The following PTPRF variants were observed in gnomAD, a reference collection of about 807,000 sequenced individuals.
PTPRF encodes receptor-type tyrosine-protein phosphatase F.
PTPRF carries 59 observed loss-of-function variants against 201.8 expected under a neutral mutation model. The observed-to-expected ratio is 0.29, with a 90% CI of 0.24 to 0.36. The LOEUF (loss-of-function observed/expected upper bound fraction) is 0.36, where lower values mean the gene tolerates loss of function less well. Among genes scored for constraint, PTPRF ranks in the 10% least tolerant of loss-of-function variants. The probability of loss-of-function intolerance (pLI) is 1.00; values close to 1 mark genes in which losing one functional copy is unlikely to be tolerated. For missense variants in PTPRF, 2,132 were observed against 2,690.5 expected (o/e 0.79, Z 4.59); for synonymous variants, 1,088 against 1,089.7 (o/e 1.00, Z 0.03).
At chr1:43,620,756 C>G (rs1005251631) in intron 31 of PTPRF, 82 bp from the exon 32 acceptor site, 1 of 1,544,780 alleles carries the variant, frequency 6.5e-7, no homozygotes, top group African/African-American at 1.4e-5. Context: ...ATGCCTGTAT[C>G]ATGGTACTAC....
intron 20 of PTPRF, among the ~76,000 whole-genome samples, 167 bp downstream of exon 20, chr1:43,606,625 G>A (rs1011119347): frequency 6.6e-6 from 1 of 152,126 alleles, no homozygotes; most frequent in Non-Finnish European, 1.5e-5. Flanking sequence ...CCTAAGACGC[G>A]GCCCTGGGAC....
At chr1:43,557,133 C>T (rs1297839781) in intron 5 of PTPRF, among the ~76,000 whole-genome samples, 1 of 152,210 alleles carries the variant, frequency 6.6e-6, no homozygotes, top group African/African-American at 2.4e-5. Flanking sequence ...CCAGAGGCCC[C>T]AGAGGGCTTC....
chr1:43,613,662 A>C lies in PTPRF; in HGVS notation c.4018A>C (p.Asn1340His). The stretch of plus-strand genomic sequence containing the variant: ...CATCCCCATCACCGACCTGGCGGAC[A>C]ACATCGAGCGCCTCAAAGCCAACGA... The part of the protein sequence containing the change: ...PPIPITDLAD[N>H]IERLKANDGL... Residue 1340 changes from asparagine to histidine, a missense_variant, in exon 23 of 34, where the codon AAC becomes CAC. Around this residue, in one of 6 missense-constraint regions of PTPRF, gnomAD observed 818 missense variants for 915.3 expected, o/e 0.89. Transcript: ENST00000359947. 1 of 1,614,182 alleles carries C rather than the reference A, an allele frequency of 6.2e-7. No homozygotes were observed. The highest frequency in any genetic ancestry group is 2.2e-5 in the East Asian group (1 of 44,884).
chr1:43,585,896 T>C (rs1649008379), intron 7 of PTPRF, among the ~76,000 whole-genome samples: 1 of 152,174 alleles, frequency 6.6e-6, no homozygotes, highest in African/African-American at 2.4e-5. Flanking sequence ...GGGTCAAGCC[T>C]GCAATCATGA....
chr1:43,567,943 C>A (rs1646296144), intron 5 of PTPRF, among the ~76,000 whole-genome samples: 1 of 152,182 alleles, frequency 6.6e-6, no homozygotes, highest in Non-Finnish European at 1.5e-5. Context: ...TCCCCTTGCC[C>A]CACATTGGGT....
At chr1:43,587,993 C>T (rs1222227178) in intron 7 of PTPRF, among the ~76,000 whole-genome samples, 1 of 152,188 alleles carries the variant, frequency 6.6e-6, no homozygotes, top group Admixed American at 6.5e-5. Context: ...TTTGTTGGCG[C>T]AGGAAGCCGT....
At chr1:43,529,667 T>C (rs1313514830), upstream of PTPRF, among the ~76,000 whole-genome samples, 1 of 151,886 alleles carries the variant, frequency 6.6e-6, no homozygotes, top group African/African-American at 2.4e-5. Flanking sequence ...AAAGAGCTGG[T>C]GTGGCTTTGG....
At chr1:43,556,991 T>G (rs1645421286) in intron 5 of PTPRF, among the ~76,000 whole-genome samples, 1 of 152,238 alleles carries the variant, frequency 6.6e-6, no homozygotes, top group Non-Finnish European at 1.5e-5. Context: ...GGCTCCTCCC[T>G]GCCACTTCTG....
intron 6 of PTPRF, among the ~76,000 whole-genome samples, chr1:43,576,925 C>A (rs1483311026): frequency 6.6e-6 from 1 of 152,216 alleles, no homozygotes; most frequent in Non-Finnish European, 1.5e-5. Flanking sequence ...CTGGCTCTTG[C>A]TTCACCTGGG....
intron 3 of PTPRF, among the ~76,000 whole-genome samples, chr1:43,550,908 C>T (rs1644988543): frequency 6.6e-6 from 1 of 152,168 alleles, no homozygotes; most frequent in Admixed American, 6.5e-5. Context: ...GAAGCAGCAG[C>T]TTATGCAAAG....
chr1:43,615,787 C>T lies in PTPRF; in HGVS notation c.4072-1658C>T, dbSNP rs369532047. On this transcript the variant is annotated intron_variant, in intron 23 of 33. Transcript: ENST00000359947. ...TTCACCGTGTTAGCCAGGATGGTCT[C>T]GATCTCCTGACCTCGTGATCCGCCC... Among the ~76,000 whole-genome samples, 254 of 152,048 alleles carry T rather than the reference C, an allele frequency of 1.7e-3. 1 individual carries two copies. The highest frequency in any genetic ancestry group is 2.8e-3 in the Non-Finnish European group (190 of 67,982).
rs1316619976 is a variant in PTPRF, at chr1:43,537,438, C to T, written c.-125-760C>T. Among the ~76,000 whole-genome samples, 1 of 152,220 alleles carries T rather than the reference C, an allele frequency of 6.6e-6. No homozygotes were observed. Among genetic ancestry groups the T allele is most frequent in the Non-Finnish European group, 1.5e-5 (1 of 68,048 alleles). On this transcript the variant is annotated intron_variant, in intron 1 of 33. Coordinates refer to ENST00000359947, the MANE Select transcript of PTPRF (RefSeq NM_002840.5). The surrounding 1 kb of genome is among the most constrained non-coding windows in gnomAD (Gnocchi z 4.8). ...GCTGTTTTCTTTGAACTCATTCATGCGTTCATCCACTCATTCAGTGTATGC... is the reference window on the plus strand; with the variant it reads ...GCTGTTTTCTTTGAACTCATTCATGTGTTCATCCACTCATTCAGTGTATGC...
At chr1:43,583,438 A>C (rs1268816865) in intron 7 of PTPRF, among the ~76,000 whole-genome samples, 4 of 152,042 alleles carry the variant, frequency 2.6e-5, no homozygotes, top group Non-Finnish European at 4.4e-5. Flanking sequence ...GGTGCTCAGG[A>C]ATGGTTGTGG....
chr1:43,592,501 C>T lies in PTPRF; in HGVS notation c.1713C>T (p.Asp571=), dbSNP rs1651073918. 6 of 1,612,936 alleles carry T rather than the reference C, an allele frequency of 3.7e-6. No individual in the cohort carries two copies. The highest frequency in any genetic ancestry group is 4.2e-6 in the Non-Finnish European group (5 of 1,179,680). Reference sequence around the variant, plus strand: ...CAACCTCCTCCTACACACTAGAGGACCTGAAGCCTGACACACTCTACCGCT... The same window carrying T: ...CAACCTCCTCCTACACACTAGAGGATCTGAAGCCTGACACACTCTACCGCT... ...FDPTSSYTLE[D]LKPDTLYRFQ... is the part of the protein sequence containing the mutation. Residue 571 remains aspartate (D), a synonymous_variant, in exon 11 of 34, where the codon GAC becomes GAT. Coordinates refer to ENST00000359947, the MANE Select transcript of PTPRF (RefSeq NM_002840.5).
chr1:43,594,125 C>A (rs1195169777), intron 11 of PTPRF, among the ~76,000 whole-genome samples: 2 of 152,140 alleles, frequency 1.3e-5, no homozygotes, highest in African/African-American at 4.8e-5. Context: ...TGGGGCCTGG[C>A]CCCCAGCTGC....
chr1:43,589,045 G>A, intron 8 of PTPRF, 45 bp downstream of exon 8: 1 of 1,489,008 alleles, frequency 6.7e-7, no homozygotes, highest in Non-Finnish European at 9.0e-7. Context: ...CTGTCATCTG[G>A]GAGGTCCTGG....
At chr1:43,525,622 T>C (rs1041418354), upstream of PTPRF, among the ~76,000 whole-genome samples, 4 of 151,768 alleles carry the variant, frequency 2.6e-5, no homozygotes, top group Admixed American at 2.6e-4. Flanking sequence ...CTGGCCAATA[T>C]GGTGAAACCC....
At chr1:43,524,667 A>G (rs547919812), upstream of PTPRF, among the ~76,000 whole-genome samples, 1 of 152,186 alleles carries the variant, frequency 6.6e-6, no homozygotes, top group Admixed American at 6.5e-5. Flanking sequence ...GGAATCTAGG[A>G]TTGGCAGAGA....
upstream of PTPRF, among the ~76,000 whole-genome samples, chr1:43,524,820 C>T (rs547258323): frequency 1.2e-4 from 19 of 152,184 alleles, no homozygotes; most frequent in South Asian, 3.7e-3. Flanking sequence ...GTGGCAAGGT[C>T]CCATCTGACA....
Sources: gnomAD v4.1 joint callset for allele counts (sites outside exome capture counted in the v4.1 genomes callset) on GRCh38, gnomAD v4.1.1 for gene constraint, gnomAD v4.1.1 regional missense constraint, Gnocchi (gnomAD v3.1) non-coding constraint, MANE v1.5 for transcripts, NCBI Gene and HGNC (gene_info 2026-07-23, HGNC 2026-07-21) for gene names.